The following ESRRG variants were observed in gnomAD, a reference collection of about 807,000 sequenced individuals.
ESRRG encodes estrogen related receptor gamma, also known as estrogen-related receptor gamma.
In ESRRG, 13 loss-of-function variants were observed where a neutral mutation model predicts 44.0. The ratio of observed to expected loss-of-function variants is 0.30; its 90% CI spans 0.19 to 0.47. The LOEUF (loss-of-function observed/expected upper bound fraction) is 0.47, where lower values mean the gene tolerates loss of function less well. ESRRG is among the 20% of genes least tolerant of loss of function. The pLI, the probability that ESRRG is intolerant of heterozygous loss-of-function variation, is 1.00. For synonymous variants in ESRRG, 215 were observed against 214.6 expected, an observed-to-expected ratio of 1.00 and a Z score of -0.02; for missense variants, 395 against 580.6, an observed-to-expected ratio of 0.68 and a Z score of 3.29.
chr1:217,111,179 G>A (rs2102461175), intron 1 of ESRRG, among the ~76,000 whole-genome samples: 1 of 152,256 alleles, frequency 6.6e-6, no homozygotes, highest in Admixed American at 6.5e-5. Flanking sequence ...GAGGTTCACT[G>A]AAATTCCCCC....
intron 5 of ESRRG, among the ~76,000 whole-genome samples, chr1:216,526,832 A>G (rs1419353263): frequency 6.6e-6 from 1 of 152,174 alleles, no homozygotes; most frequent in Non-Finnish European, 1.5e-5. Context: ...TAGACCTAGA[A>G]TTGGGTGCCA....
chr1:216,515,807 T>G (rs1193730575), intron 6 of ESRRG, among the ~76,000 whole-genome samples: 1 of 152,112 alleles, frequency 6.6e-6, no homozygotes, highest in Non-Finnish European at 1.5e-5. Context: ...ATTGTCAGAC[T>G]AAAGTGATTC....
At chr1:217,067,297 A>G (rs1183975203) in intron 1 of ESRRG, among the ~76,000 whole-genome samples, 1 of 152,232 alleles carries the variant, frequency 6.6e-6, no homozygotes, top group Non-Finnish European at 1.5e-5. Context: ...CTAAAATTAA[A>G]TTGATTATTA....
At chr1:217,054,270 T>A (rs376636641) in intron 1 of ESRRG, among the ~76,000 whole-genome samples, 19 of 152,322 alleles carry the variant, frequency 1.2e-4, no homozygotes, top group African/African-American at 4.3e-4. Flanking sequence ...CTATTGATCA[T>A]ACTTTCTTCT....
intron 3 of ESRRG, among the ~76,000 whole-genome samples, chr1:216,640,829 G>T (rs1369314578): frequency 6.6e-6 from 1 of 152,058 alleles, no homozygotes; most frequent in Non-Finnish European, 1.5e-5. Context: ...TGGTGACAAG[G>T]AACAAAAATC....
intron 1 of ESRRG, among the ~76,000 whole-genome samples, chr1:217,125,215 A>G (rs1023832734): frequency 4.6e-5 from 7 of 152,170 alleles, no homozygotes; most frequent in Non-Finnish European, 1.0e-4. Context: ...CAGTACCACA[A>G]GTGTACTGGG....
chr1:216,576,000 G>T (rs562215989), intron 3 of ESRRG, among the ~76,000 whole-genome samples: 1 of 152,000 alleles, frequency 6.6e-6, no homozygotes. Context: ...GTGATAAAAA[G>T]ATTCCATTCC....
chr1:216,897,864 T>A lies in ESRRG; in HGVS notation c.-14+41718A>T, dbSNP rs12073992. Among the ~76,000 whole-genome samples, 778 of 152,204 alleles carry A rather than the reference T, an allele frequency of 5.1e-3. 4 individuals are homozygous for A. The highest frequency in any genetic ancestry group is 0.018 in the African/African-American group (730 of 41,540). On this transcript the variant is annotated intron_variant, in intron 2 of 7. Transcript: ENST00000359162. ...AGCAGCTACTAGCTCAGTATTGGTG[T>A]ACCCAGATGGGCAGCCTAGCAGCCA...
intron 1 of ESRRG, among the ~76,000 whole-genome samples, chr1:217,098,867 T>A (rs900291238): frequency 2.6e-5 from 4 of 152,110 alleles, no homozygotes; most frequent in East Asian, 3.9e-4. Context: ...TTTCCTCAGC[T>A]CCCTCAAGAC....
intron 2 of ESRRG, among the ~76,000 whole-genome samples, chr1:216,851,663 A>G (rs2095845131): frequency 6.6e-6 from 1 of 152,196 alleles, no homozygotes; most frequent in Non-Finnish European, 1.5e-5. Context: ...ACTGTAAGAA[A>G]TTAAATTTCT....
intron 2 of ESRRG, among the ~76,000 whole-genome samples, chr1:216,747,950 C>T (rs1009521618): frequency 6.6e-6 from 1 of 151,998 alleles, no homozygotes; most frequent in African/African-American, 2.4e-5. Flanking sequence ...TGCAAATGAA[C>T]TAGAAAGGTG....
At chr1:216,831,963 T>G (rs115063173) in intron 2 of ESRRG, among the ~76,000 whole-genome samples, 2 of 152,236 alleles carry the variant, frequency 1.3e-5, no homozygotes, top group Non-Finnish European at 2.9e-5. Context: ...CCTGGGTAGA[T>G]AGCCAAGAGC....
intron 2 of ESRRG, among the ~76,000 whole-genome samples, chr1:216,739,995 G>A (rs2090460581): frequency 6.6e-6 from 1 of 152,162 alleles, no homozygotes; most frequent in Admixed American, 6.5e-5. Flanking sequence ...CTTCAGTCCT[G>A]AGTCTGACTG....
intron 3 of ESRRG, among the ~76,000 whole-genome samples, chr1:216,612,204 T>C (rs1317409672): frequency 6.6e-6 from 1 of 152,134 alleles, no homozygotes; most frequent in African/African-American, 2.4e-5. Context: ...CAAAAGATAC[T>C]CTGTAGGTAG....
intron 1 of ESRRG, among the ~76,000 whole-genome samples, chr1:216,698,954 G>T (rs572024558): frequency 6.6e-6 from 1 of 152,152 alleles, no homozygotes; most frequent in African/African-American, 2.4e-5. Flanking sequence ...AGCCAGTTCA[G>T]GTTATAATGC....
At chr1:216,529,996 C>T (rs1558294081) in intron 5 of ESRRG, among the ~76,000 whole-genome samples, 1 of 151,318 alleles carries the variant, frequency 6.6e-6, no homozygotes, top group East Asian at 2.0e-4. Flanking sequence ...TATGTATTCC[C>T]AGCTACTCAG....
chr1:216,731,624 A>G (rs950807023), intron 2 of ESRRG, among the ~76,000 whole-genome samples: 2 of 152,246 alleles, frequency 1.3e-5, no homozygotes, highest in Non-Finnish European at 2.9e-5. Context: ...TATGTATCAA[A>G]ACTCAATACG....
At chr1:217,077,373 A>G (rs2091400864) in intron 1 of ESRRG, among the ~76,000 whole-genome samples, 1 of 152,192 alleles carries the variant, frequency 6.6e-6, no homozygotes, top group Non-Finnish European at 1.5e-5. Flanking sequence ...GGAGTTATGA[A>G]AGTGGACAAG....
intron 2 of ESRRG, among the ~76,000 whole-genome samples, chr1:216,809,082 C>T (rs1195990775): frequency 1.3e-5 from 2 of 152,014 alleles, no homozygotes; most frequent in Non-Finnish European, 2.9e-5. Flanking sequence ...TTTGTACTAC[C>T]TCATCAAGTT....
Sources: gnomAD v4.1 joint callset for allele counts (sites outside exome capture counted in the v4.1 genomes callset) on GRCh38, gnomAD v4.1.1 for gene constraint, MANE v1.5 for transcripts, NCBI Gene and HGNC (gene_info 2026-07-23, HGNC 2026-07-21) for gene names.